TRIQK: variants seen among roughly 807,000 people sequenced by gnomAD.
TRIQK encodes triple QxxK/R motif-containing protein.
TRIQK carries 10 observed loss-of-function variants against 10.8 expected under a neutral mutation model. The observed-to-expected ratio is 0.92, with a 90% CI of 0.57 to 1.57. TRIQK has a LOEUF of 1.57. Among genes scored for constraint, TRIQK ranks in the 40% most tolerant of loss-of-function variants. TRIQK has a pLI of 0.00. For missense variants in TRIQK, 107 were observed against 97.7 expected, an observed-to-expected ratio of 1.09 and a Z score of -0.40; for synonymous variants, 33 against 33.7, an observed-to-expected ratio of 0.98 and a Z score of 0.07.
chr8:92,916,983 T>C lies in TRIQK; in HGVS notation c.7A>G (p.Arg3Gly), dbSNP rs1249604550. 1 of 1,506,732 alleles carries C rather than the reference T, an allele frequency of 6.6e-7. No homozygotes were observed. Among genetic ancestry groups the C allele is most frequent in the Admixed American group, 2.2e-5 (1 of 46,278 alleles). The allele number at this position is 1,506,732 out of a possible 1,614,324, so 93.3% of individuals were successfully genotyped here. A position where few individuals can be genotyped will look rare whatever the true frequency, so the allele number is the denominator to read the frequency against. MG[R>G]KDAATIKLPV... ...AGTTTTATAGTAGCAGCATCTTTTC[T>C]ACCCATCTTTGATCTCCAAAATGCC... Residue 3 changes from arginine to glycine, a missense_variant, in exon 3 of 5, where the codon AGA becomes GGA. Transcript: ENST00000521988.
At chr8:92,957,409 A>C (rs1812229058) in intron 1 of TRIQK, among the ~76,000 whole-genome samples, 1 of 151,842 alleles carries the variant, frequency 6.6e-6, no homozygotes, top group Non-Finnish European at 1.5e-5. Context: ...TTTTATGAAA[A>C]TGTGTCAAAT....
At chr8:92,930,799 T>C (rs1484800024) in intron 2 of TRIQK, among the ~76,000 whole-genome samples, 2 of 152,210 alleles carry the variant, frequency 1.3e-5, no homozygotes, top group Non-Finnish European at 2.9e-5. Context: ...TAAATTGGAT[T>C]ATTTTAAGAA....
intron 2 of TRIQK, among the ~76,000 whole-genome samples, chr8:92,945,865 T>C (rs932151825): frequency 6.6e-6 from 1 of 151,708 alleles, no homozygotes; most frequent in East Asian, 1.9e-4. Flanking sequence ...TAATTAAAAA[T>C]AGAAGCAAAG....
chr8:92,950,960 C>A (rs1811866492), intron 2 of TRIQK, among the ~76,000 whole-genome samples: 1 of 152,110 alleles, frequency 6.6e-6, no homozygotes, highest in East Asian at 1.9e-4. Flanking sequence ...TGCTAGAATT[C>A]CTTACATAAA....
At chr8:92,926,514 T>G (rs1243798553) in intron 2 of TRIQK, 6 of 152,164 alleles carry the variant, frequency 3.9e-5, no homozygotes, top group Non-Finnish European at 8.8e-5. Context: ...CTTTAGGGCT[T>G]GTTTCTGATT....
Position 92,886,704 on chromosome 8 carries a change from GC to G in TRIQK, c.178del (p.Ala60HisfsTer29). ...GAAAGCATAGAAAGCCAGTAGTAGT[GC>G]CAATATAGCTGCAAGTACAAGGCCA... ...EVGLVLAAIL[A>X]LLLAFYAFFY... On this transcript the variant is annotated frameshift_variant, in exon 5 of 5. Coordinates refer to ENST00000521988, the MANE Select transcript of TRIQK (RefSeq NM_001171797.2). LOFTEE classifies it high-confidence loss of function. 2 of 1,532,360 alleles carry G rather than the reference GC, an allele frequency of 1.3e-6. No individual in the cohort carries two copies. Among genetic ancestry groups the G allele is most frequent in the Admixed American group, 3.9e-5 (2 of 50,790 alleles). The allele number at this position is 1,532,360 out of a possible 1,614,324, so 94.9% of individuals were successfully genotyped here. A position where few individuals can be genotyped will look rare whatever the true frequency, so the allele number is the denominator to read the frequency against.
chr8:92,997,067 A>G (rs1305541063), intron 1 of TRIQK, among the ~76,000 whole-genome samples: 3 of 151,984 alleles, frequency 2.0e-5, no homozygotes, highest in African/African-American at 4.8e-5. Context: ...TTTCTCTGTT[A>G]GTACTAGGGT....
At chr8:92,979,220 G>A (rs1010776052) in intron 1 of TRIQK, among the ~76,000 whole-genome samples, 1 of 152,070 alleles carries the variant, frequency 6.6e-6, no homozygotes, top group Non-Finnish European at 1.5e-5. Flanking sequence ...TGGAACTGTT[G>A]ACAGGAGGAC....
At chr8:92,947,715 A>G (rs1811629558) in intron 2 of TRIQK, among the ~76,000 whole-genome samples, 1 of 152,044 alleles carries the variant, frequency 6.6e-6, no homozygotes, top group South Asian at 2.1e-4. Flanking sequence ...TCAATAATGA[A>G]GCCCATAAAC....
chr8:92,912,679 T>A (rs563356149), intron 3 of TRIQK, among the ~76,000 whole-genome samples: 1 of 151,786 alleles, frequency 6.6e-6, no homozygotes. Flanking sequence ...ATGAAAAAGA[T>A]CATAAGGGGC....
chr8:92,926,920 T>C (rs1029565389), intron 2 of TRIQK, among the ~76,000 whole-genome samples: 1 of 152,096 alleles, frequency 6.6e-6, no homozygotes. Context: ...GTGCAGTCAC[T>C]TGTGCCTGTA....
chr8:92,965,630 T>C (rs1586513202), intron 1 of TRIQK: 1 of 152,054 alleles, frequency 6.6e-6, no homozygotes, highest in Non-Finnish European at 1.5e-5. Flanking sequence ...CCTTGGGAGG[T>C]GGGCGGGACT....
At chr8:92,898,833 G>GTGTATATA (rs1256723943) in intron 3 of TRIQK, among the ~76,000 whole-genome samples, 17 of 73,916 alleles carry the variant, frequency 2.3e-4, no homozygotes, top group African/African-American at 4.0e-4. Context: ...GTGTGTGTGT[G>GTGTATATA]TATATATATA....
chr8:92,896,514 C>G (rs571148730), intron 3 of TRIQK, among the ~76,000 whole-genome samples: 1 of 152,238 alleles, frequency 6.6e-6, no homozygotes, highest in African/African-American at 2.4e-5. Context: ...TGTGCAATTA[C>G]AGTCTGGGAA....
At chr8:92,906,114 T>C (rs1809245236) in intron 3 of TRIQK, among the ~76,000 whole-genome samples, 1 of 152,116 alleles carries the variant, frequency 6.6e-6, no homozygotes, top group Non-Finnish European at 1.5e-5. Context: ...AAAAGGGAAA[T>C]TGTCCCAGTG....
chr8:92,949,804 AAGAAAGAAAGAAAGAAAG>A (rs1811778461), intron 2 of TRIQK, among the ~76,000 whole-genome samples: 1 of 131,308 alleles, frequency 7.6e-6, no homozygotes, highest in African/African-American at 2.8e-5. Context: ...GAAAGAAAGA[AAGAAAGAAAGAAAGAAAG>A]AAAGAAAGAA....
intron 2 of TRIQK, among the ~76,000 whole-genome samples, chr8:92,952,771 C>T (rs1200267897): frequency 1.9e-4 from 29 of 152,040 alleles, no homozygotes. Flanking sequence ...CCCTTTCCCT[C>T]TGGATAGAAG....
intron 3 of TRIQK, among the ~76,000 whole-genome samples, chr8:92,901,219 C>A (rs891654218): frequency 6.6e-6 from 1 of 152,078 alleles, no homozygotes; most frequent in Non-Finnish European, 1.5e-5. Flanking sequence ...TTCTTCCTTT[C>A]CAATTTGGAT....
At chr8:92,905,957 A>T (rs1280248788) in intron 3 of TRIQK, among the ~76,000 whole-genome samples, 3 of 152,178 alleles carry the variant, frequency 2.0e-5, no homozygotes, top group Non-Finnish European at 4.4e-5. Context: ...CATGAACTGG[A>T]GGTTATCTAG....
Sources: allele counts gnomAD v4.1 joint callset (sites outside exome capture counted in the v4.1 genomes callset), GRCh38; gene constraint gnomAD v4.1.1; transcripts MANE v1.5; gene names NCBI Gene and HGNC (gene_info 2026-07-23, HGNC 2026-07-21).